TSPAN9: variants seen among roughly 807,000 people sequenced by gnomAD.
TSPAN9 encodes tetraspanin-9.
Under a neutral mutation model 31.0 loss-of-function variants are expected in TSPAN9, and 16 were observed. The ratio of observed to expected loss-of-function variants is 0.52; its 90% CI spans 0.35 to 0.78. The LOEUF (loss-of-function observed/expected upper bound fraction) is 0.78, where lower values mean the gene tolerates loss of function less well. Among genes scored for constraint, TSPAN9 ranks in the 30% least tolerant of loss-of-function variants. The probability of loss-of-function intolerance (pLI) is 0.01; values close to 1 mark genes in which losing one functional copy is unlikely to be tolerated. For synonymous variants in TSPAN9, 145 were observed against 121.6 expected, an observed-to-expected ratio of 1.19 and a Z score of -1.27; for missense variants, 272 against 312.5, an observed-to-expected ratio of 0.87 and a Z score of 0.98.
chr12:3,096,433 C>CTTTTTTTTTTTTTTT (rs1302577208), intron 2 of TSPAN9, among the ~76,000 whole-genome samples: 4 of 152,234 alleles, frequency 2.6e-5, no homozygotes, highest in East Asian at 1.9e-4. Flanking sequence ...TGCATTGTCT[C>CTTTTTTTTTTTTTTT]TTTATTCCTT....
At chr12:3,130,341 T>G (rs1445378827) in intron 2 of TSPAN9, among the ~76,000 whole-genome samples, 1 of 152,208 alleles carries the variant, frequency 6.6e-6, no homozygotes, top group Non-Finnish European at 1.5e-5. Flanking sequence ...TTTCCCCAAA[T>G]GTTTACTTGA....
intron 2 of TSPAN9, among the ~76,000 whole-genome samples, chr12:3,132,825 T>C (rs1358847853): frequency 6.6e-6 from 1 of 152,082 alleles, no homozygotes; most frequent in Non-Finnish European, 1.5e-5. Flanking sequence ...CCGGTGGCTC[T>C]CAGCCTCATC....
chr12:3,257,568 A>G (rs1862371405), intron 3 of TSPAN9, among the ~76,000 whole-genome samples: 2 of 151,876 alleles, frequency 1.3e-5, no homozygotes, highest in African/African-American at 2.4e-5. Flanking sequence ...ACCTGCTGAG[A>G]CACTGTGGGA....
At chr12:3,132,880 G>A (rs890232474) in intron 2 of TSPAN9, among the ~76,000 whole-genome samples, 5 of 152,042 alleles carry the variant, frequency 3.3e-5, no homozygotes, top group Non-Finnish European at 7.4e-5. Context: ...GAGGACAGGC[G>A]CCACCCTGAG....
At chr12:3,171,983 T>G (rs2098352105) in intron 2 of TSPAN9, 1 of 152,226 alleles carries the variant, frequency 6.6e-6, no homozygotes, top group Non-Finnish European at 1.5e-5. Flanking sequence ...AAAATACGCT[T>G]CATGGTCCCC....
chr12:3,081,844 G>GTGTGTGTA (rs57812985), intron 1 of TSPAN9, among the ~76,000 whole-genome samples: 84 of 116,768 alleles, frequency 7.2e-4, no homozygotes, highest in Non-Finnish European at 9.4e-4. Flanking sequence ...GTCTGTGTGT[G>GTGTGTGTA]TATATATATG....
rs2098387906 is a variant in TSPAN9, at chr12:3,226,777, TATATATA to T, written c.63+25522_63+25528del. On this transcript the variant is annotated intron_variant, in intron 3 of 8. Coordinates refer to ENST00000011898, the MANE Select transcript of TSPAN9 (RefSeq NM_006675.5). ...ATATATATATATATATATATATATA[TATATATA>T]TATATATATATTTTTTTTTTTTTTT... Among the ~76,000 whole-genome samples the T allele has an allele frequency of 1.3e-3, 9 of 7,146 alleles. 2 individuals carry two copies. The highest frequency in any genetic ancestry group is 2.5e-3 in the Non-Finnish European group (8 of 3,216). The allele number at this position is 7,146 out of a possible 152,430, so 4.7% of individuals were successfully genotyped here.
chr12:3,250,788 G>A (rs1326614179), intron 3 of TSPAN9, among the ~76,000 whole-genome samples: 1 of 152,222 alleles, frequency 6.6e-6, no homozygotes, highest in Non-Finnish European at 1.5e-5. Flanking sequence ...GCAGAGCTTG[G>A]CTTTCGGGTG....
intron 2 of TSPAN9, among the ~76,000 whole-genome samples, chr12:3,102,636 A>G (rs2153964490): frequency 6.6e-6 from 1 of 151,536 alleles, no homozygotes; most frequent in East Asian, 1.9e-4. Context: ...ATGGGGTTTC[A>G]CCATGTTAGC....
chr12:3,138,458 C>G (rs1434435437), intron 2 of TSPAN9, among the ~76,000 whole-genome samples: 2 of 140,466 alleles, frequency 1.4e-5, no homozygotes, highest in African/African-American at 4.9e-5. Context: ...GCTCTCTCCT[C>G]CCGTTTCTTT....
At chr12:3,193,502 G>C (rs560384843) in intron 2 of TSPAN9, among the ~76,000 whole-genome samples, 1 of 152,336 alleles carries the variant, frequency 6.6e-6, no homozygotes, top group South Asian at 2.1e-4. Flanking sequence ...CCCACCTGTC[G>C]TGGGTAGACT....
chr12:3,275,297 G>T (rs960980202), intron 3 of TSPAN9, among the ~76,000 whole-genome samples: 4 of 152,174 alleles, frequency 2.6e-5, no homozygotes, highest in Non-Finnish European at 4.4e-5. Context: ...TGTGCTTTGA[G>T]AACTTTTCCA....
At chr12:3,193,106 G>T (rs764958530) in intron 2 of TSPAN9, among the ~76,000 whole-genome samples, 1 of 152,040 alleles carries the variant, frequency 6.6e-6, no homozygotes, top group Non-Finnish European at 1.5e-5. Flanking sequence ...CCAGCAGTGG[G>T]GTAACTCACT....
rs11062557 is a variant in TSPAN9 at position 3,192,540 on chromosome 12, A to G, written c.-17-8637A>G. Reference sequence around the variant, plus strand: ...AAGCAGTGGGGTGAAAACTTAAGCCATTTGTTGAGAAGGAGCGGATAGTGC... The same window carrying G: ...AAGCAGTGGGGTGAAAACTTAAGCCGTTTGTTGAGAAGGAGCGGATAGTGC... On this transcript the variant is annotated intron_variant, in intron 2 of 8. Transcript: ENST00000011898. This position sits in a 1 kb window ranked among gnomAD's most constrained non-coding sequence, Gnocchi z 4.6. 0.14 allele frequency among the ~76,000 whole-genome samples: 20,723 copies of G among 152,026 alleles called. 1,462 individuals are homozygous for G. Among genetic ancestry groups the G allele is most frequent in the South Asian group, 0.23 (1,088 of 4,808 alleles).
intron 2 of TSPAN9, among the ~76,000 whole-genome samples, chr12:3,188,064 T>C (rs945689386): frequency 2.6e-5 from 4 of 152,134 alleles, no homozygotes; most frequent in African/African-American, 9.7e-5. Context: ...GTCTCGCTTT[T>C]ATCGAGCTCC....
rs112543621 is a variant in TSPAN9 at position 3,280,862 on chromosome 12, C to T, written c.433-336C>T. Among the ~76,000 whole-genome samples, 3 of 151,114 alleles carry T rather than the reference C, an allele frequency of 2.0e-5. No individual in the cohort carries two copies. Among genetic ancestry groups the T allele is most frequent in the Non-Finnish European group, 4.4e-5 (3 of 67,702 alleles). ...CCCATTTTAAGCCCTGGGGAGGGGC[C>T]GGCAGGGGGTTGGGTGGCAGTCAGC... On this transcript the variant is annotated intron_variant, in intron 6 of 8. Coordinates refer to ENST00000011898, the MANE Select transcript of TSPAN9 (RefSeq NM_006675.5). This position sits in a 1 kb window ranked among gnomAD's most constrained non-coding sequence, Gnocchi z 4.5.
intron 3 of TSPAN9, among the ~76,000 whole-genome samples, chr12:3,257,513 G>A (rs1862370699): frequency 6.6e-6 from 1 of 151,890 alleles, no homozygotes; most frequent in Admixed American, 6.6e-5. Flanking sequence ...CAGCATCCAA[G>A]AACAACAGTG....
At chr12:3,229,200 C>G (rs945823931) in intron 3 of TSPAN9, among the ~76,000 whole-genome samples, 4 of 152,182 alleles carry the variant, frequency 2.6e-5, no homozygotes, top group African/African-American at 9.7e-5. Flanking sequence ...GCACAGGGGA[C>G]AGGGGTTGGG....
At chr12:3,149,338 AG>A (rs1314198132) in intron 2 of TSPAN9, among the ~76,000 whole-genome samples, 1 of 152,194 alleles carries the variant, frequency 6.6e-6, no homozygotes, top group South Asian at 2.1e-4. Context: ...GGCAGGAAGG[AG>A]GGAGATGCCC....
Sources: allele counts gnomAD v4.1 joint callset (sites outside exome capture counted in the v4.1 genomes callset), GRCh38; gene constraint gnomAD v4.1.1; non-coding constraint Gnocchi (gnomAD v3.1); transcripts MANE v1.5; gene names NCBI Gene and HGNC (gene_info 2026-07-23, HGNC 2026-07-21).